SNX29: variants seen among roughly 807,000 people sequenced by gnomAD.
SNX29 encodes the protein sorting nexin 29.
SNX29 carries 78 observed loss-of-function variants against 102.1 expected under a neutral mutation model. That is an observed-to-expected ratio of 0.76 (90% CI 0.64 to 0.92). SNX29 has a LOEUF of 0.92. Ranked by LOEUF, SNX29 falls within the 40% of genes least tolerant of loss-of-function variation. SNX29 has a pLI of 0.00. For missense variants in SNX29, 1,280 were observed against 1,061.7 expected (o/e 1.21, Z -2.86); for synonymous variants, 580 against 414.5 (o/e 1.40, Z -4.85).
intron 16 of SNX29, among the ~76,000 whole-genome samples, chr16:12,390,303 C>G (rs926712134): frequency 2.0e-5 from 3 of 152,100 alleles, no homozygotes; most frequent in Non-Finnish European, 4.4e-5. Flanking sequence ...GCTTAAATCC[C>G]TCATAGGTTT....
At chr16:12,407,724 A>G (rs752556344) in intron 18 of SNX29, among the ~76,000 whole-genome samples, 35 of 152,224 alleles carry the variant, frequency 2.3e-4, no homozygotes, top group Non-Finnish European at 4.3e-4. Context: ...CATCTCATTT[A>G]CTGACATGTT....
At chr16:12,251,706 A>T (rs1363846081) in intron 14 of SNX29, among the ~76,000 whole-genome samples, 2 of 152,192 alleles carry the variant, frequency 1.3e-5, no homozygotes, top group Non-Finnish European at 2.9e-5. Flanking sequence ...CTGTCTCCAA[A>T]ACAAAAGCAA....
Position 12,570,341 on chromosome 16 carries a change from C to T in SNX29, c.*1712C>T, listed in dbSNP as rs567181398. 2.9e-5 allele frequency: 20 copies of T among 695,064 alleles called. No individual in the cohort carries two copies. In the Admixed American group the frequency reaches 7.1e-4, roughly 25 times the overall value. The allele number at this position is 695,064 out of a possible 1,614,324, so 43.1% of individuals were successfully genotyped here. ...TAAAGGCAACTTGGTCTCCCTCCCA[C>T]TCACCTGCCAACATTGCTGCAATAC... On this transcript the variant is annotated 3_prime_UTR_variant, in exon 21 of 21. Transcript: ENST00000566228.
chr16:12,239,742 C>A (rs2078044574), intron 14 of SNX29, among the ~76,000 whole-genome samples: 1 of 151,356 alleles, frequency 6.6e-6, no homozygotes, highest in Non-Finnish European at 1.5e-5. Context: ...ATTGCTTGAA[C>A]CCAGGAGATC....
At chr16:12,535,587 T>C (rs2077053040) in intron 20 of SNX29, among the ~76,000 whole-genome samples, 3 of 152,062 alleles carry the variant, frequency 2.0e-5, no homozygotes, top group Admixed American at 6.5e-5. Flanking sequence ...GTATGCACGA[T>C]TGGCAAGCCT....
In SNX29 at chr16:12,572,566, G is replaced by C; in HGVS notation, c.*3937G>C. On this transcript the variant is annotated 3_prime_UTR_variant, in exon 21 of 21. Coordinates refer to ENST00000566228, the MANE Select transcript of SNX29 (RefSeq NM_032167.5). ...GACACCATCTGGCTCCTCACAGGGAGGTCCAGCCATGTTCTCTGGGCTCCC... is the reference window on the plus strand; with the variant it reads ...GACACCATCTGGCTCCTCACAGGGACGTCCAGCCATGTTCTCTGGGCTCCC... 7 of 1,064,052 alleles carry C rather than the reference G, an allele frequency of 6.6e-6. No homozygotes were observed. Among genetic ancestry groups the C allele is most frequent in the Non-Finnish European group, 8.0e-6 (7 of 878,438 alleles). 65.9% of individuals were successfully genotyped at this position (1,064,052 alleles called of 1,614,324 possible). A position where few individuals can be genotyped will look rare whatever the true frequency, so the allele number is the denominator to read the frequency against.
chr16:12,244,220 G>C (rs555244843), intron 14 of SNX29, among the ~76,000 whole-genome samples: 37 of 152,310 alleles, frequency 2.4e-4, no homozygotes, highest in African/African-American at 8.2e-4. Flanking sequence ...AACCATTACA[G>C]GTCTGTGGCC....
intron 15 of SNX29, among the ~76,000 whole-genome samples, chr16:12,318,621 C>T (rs1235943427): frequency 6.6e-6 from 1 of 152,158 alleles, no homozygotes. Flanking sequence ...GCCTGTAATC[C>T]TGTTCCTGGA....
intron 14 of SNX29, among the ~76,000 whole-genome samples, chr16:12,206,547 G>A (rs539569533): frequency 6.6e-6 from 1 of 152,122 alleles, no homozygotes; most frequent in Non-Finnish European, 1.5e-5. Flanking sequence ...CAGTACACGG[G>A]CGCTCCCATC....
intron 18 of SNX29, among the ~76,000 whole-genome samples, chr16:12,409,882 G>A (rs771654992): frequency 1.3e-5 from 2 of 152,200 alleles, no homozygotes; most frequent in Non-Finnish European, 2.9e-5. Flanking sequence ...TTTGCGTCTA[G>A]CGACCACAAA....
At chr16:12,309,995 TAAAC>T (rs1312583905) in intron 15 of SNX29, among the ~76,000 whole-genome samples, 1 of 152,170 alleles carries the variant, frequency 6.6e-6, no homozygotes, top group East Asian at 1.9e-4. Flanking sequence ...ATCACCAAGA[TAAAC>T]ACAGACGTGT....
chr16:12,521,146 C>T (rs2090083333), intron 19 of SNX29, among the ~76,000 whole-genome samples: 1 of 152,154 alleles, frequency 6.6e-6, no homozygotes, highest in Non-Finnish European at 1.5e-5. Context: ...TGTCACTGCA[C>T]TGCACCCTGG....
chr16:12,042,505 G>A (rs1427977849), intron 4 of SNX29, among the ~76,000 whole-genome samples: 1 of 152,102 alleles, frequency 6.6e-6, no homozygotes, highest in Non-Finnish European at 1.5e-5. Context: ...GCAGCCCCCA[G>A]TGTCTGTTGT....
chr16:12,255,597 C>CTT (rs199828097), intron 14 of SNX29, among the ~76,000 whole-genome samples: 11,505 of 152,176 alleles, frequency 0.076, 1,013 homozygotes, highest in African/African-American at 0.21. Context: ...CTTCTATGCT[C>CTT]ATAAGATTCC....
intron 20 of SNX29, among the ~76,000 whole-genome samples, chr16:12,531,558 G>T (rs1243888569): frequency 6.6e-6 from 1 of 152,074 alleles, no homozygotes; most frequent in Non-Finnish European, 1.5e-5. Context: ...TGGCAAGGGG[G>T]CAGCAGCGGC....
At chr16:12,398,566 C>A (rs748644849) in intron 17 of SNX29, 65 bp downstream of exon 17, 1 of 1,549,062 alleles carries the variant, frequency 6.5e-7, no homozygotes, top group Non-Finnish European at 8.9e-7. Context: ...TGGCTTCTGT[C>A]CCAGAAGACC....
rs149891360 is a variant in SNX29, at chr16:12,544,186, C to T, written c.2318+19345C>T. On this transcript the variant is annotated intron_variant, in intron 20 of 20. Transcript: ENST00000566228. The stretch of plus-strand genomic sequence containing the variant: ...ACGGGATGGGAATCGGTGGTGTGCA[C>T]ATCAGCCAAGGCTTCAGAACCGTGA... Among the ~76,000 whole-genome samples, 510 of 152,312 alleles carry T rather than the reference C, an allele frequency of 3.3e-3. 6 individuals carry two copies. Among genetic ancestry groups the T allele is most frequent in the African/African-American group, 0.011 (451 of 41,554 alleles).
chr16:12,054,314 T>C (rs183214306), intron 8 of SNX29, among the ~76,000 whole-genome samples: 121 of 152,364 alleles, frequency 7.9e-4, no homozygotes, highest in African/African-American at 2.9e-3. Context: ...AATATTGATT[T>C]GTTGATGTAA....
intron 11 of SNX29, among the ~76,000 whole-genome samples, chr16:12,110,399 T>G (rs2053455476): frequency 6.6e-6 from 1 of 152,138 alleles, no homozygotes; most frequent in Non-Finnish European, 1.5e-5. Context: ...AGAACAGACT[T>G]TTTCCTTTTC....
Sources: gnomAD v4.1 joint callset for allele counts (sites outside exome capture counted in the v4.1 genomes callset) on GRCh38, gnomAD v4.1.1 for gene constraint, MANE v1.5 for transcripts, NCBI Gene and HGNC (gene_info 2026-07-23, HGNC 2026-07-21) for gene names.